The following CEP250 variants were observed in gnomAD, a reference collection of about 807,000 sequenced individuals.
CEP250 encodes centrosomal protein 250, also known as centrosome-associated protein CEP250.
In CEP250, 242 loss-of-function variants were observed where a neutral mutation model predicts 315.7. The ratio of observed to expected loss-of-function variants is 0.77; its 90% CI spans 0.69 to 0.85. CEP250 has a LOEUF of 0.85. CEP250 is among the 40% of genes least tolerant of loss of function. CEP250 has a pLI of 0.00. For missense variants in CEP250, 2,515 were observed against 2,886.4 expected, an observed-to-expected ratio of 0.87 and a Z score of 2.95; for synonymous variants, 1,088 against 1,175.0, an observed-to-expected ratio of 0.93 and a Z score of 1.51.
At chr20:35,471,459 T>C (rs2063022725) in intron 10 of CEP250, among the ~76,000 whole-genome samples, 1 of 152,228 alleles carries the variant, frequency 6.6e-6, no homozygotes, top group African/African-American at 2.4e-5. Context: ...TAAATGTTGA[T>C]TCAAATTTTG....
intron 22 of CEP250, among the ~76,000 whole-genome samples, chr20:35,492,488 C>A (rs1334788123): frequency 1.3e-5 from 2 of 151,794 alleles, no homozygotes; most frequent in African/African-American, 4.8e-5. Context: ...AGTTATATCT[C>A]AAGCCATTTG....
rs1036530132 is a variant in CEP250, at chr20:35,504,251, C to G, written c.5882C>G (p.Ala1961Gly). 2 of 1,598,488 alleles carry G rather than the reference C, an allele frequency of 1.3e-6. No individual in the cohort carries two copies. The highest frequency in any genetic ancestry group is 2.7e-5 in the African/African-American group (2 of 74,626). ...SSRHQEEAAR[A>G]RAEALQEALG... ...CGGCATCAGGAGGAGGCTGCCCGGG[C>G]CCGGGCTGAGGCTCTGCAGGAGGCC... The change falls in exon 30 of 35, where the codon GCC (alanine) becomes GGC (glycine). Residue 1961 changes from alanine (A) to glycine (G), a missense_variant. By Grantham distance (60) the Ala-to-Gly change is moderately conservative. Coordinates refer to ENST00000397527, the MANE Select transcript of CEP250 (RefSeq NM_007186.6).
intron 7 of CEP250, among the ~76,000 whole-genome samples, chr20:35,466,648 C>T (rs1400518740): frequency 6.6e-6 from 1 of 152,042 alleles, no homozygotes; most frequent in Non-Finnish European, 1.5e-5. Context: ...GCTTTGTGCT[C>T]AGTGGTTTAT....
intron 20 of CEP250, among the ~76,000 whole-genome samples, chr20:35,483,351 T>A (rs1333941260): frequency 1.3e-5 from 2 of 151,056 alleles, no homozygotes; most frequent in African/African-American, 4.9e-5. Flanking sequence ...TTTTTTAAAT[T>A]TATTTTATTT....
At chr20:35,476,425 T>C in intron 15 of CEP250, 24 bp from the exon 16 acceptor site, 2 of 1,598,234 alleles carry the variant, frequency 1.3e-6, no homozygotes, top group Non-Finnish European at 1.7e-6. Context: ...AATATGAAAC[T>C]CTTTAATCCT....
intron 30 of CEP250, 116 bp from the exon 31 acceptor site, chr20:35,507,622 G>A (rs1459246148): frequency 6.2e-6 from 5 of 810,432 alleles, no homozygotes; most frequent in Non-Finnish European, 1.0e-5. Context: ...AGAGCCTCTA[G>A]GAAAAATAAG....
At chr20:35,459,036 G>C (rs923174021) in intron 2 of CEP250, among the ~76,000 whole-genome samples, 1 of 115,842 alleles carries the variant, frequency 8.6e-6, no homozygotes, top group Non-Finnish European at 1.6e-5. Flanking sequence ...GGACAGTGTT[G>C]GCCAGGCTGG....
intron 10 of CEP250, among the ~76,000 whole-genome samples, chr20:35,470,840 C>T (rs1021246940): frequency 2.6e-5 from 4 of 152,200 alleles, no homozygotes; most frequent in African/African-American, 9.7e-5. Flanking sequence ...GGAATAGATT[C>T]TGGCTCACAG....
chr20:35,470,591 A>C (rs1261422570), intron 10 of CEP250, among the ~76,000 whole-genome samples: 2 of 152,176 alleles, frequency 1.3e-5, no homozygotes, highest in Non-Finnish European at 2.9e-5. Context: ...CTCTACTAAA[A>C]AAATAAAAAA....
At chr20:35,506,148 T>A (rs2064180452) in intron 30 of CEP250, among the ~76,000 whole-genome samples, 1 of 152,130 alleles carries the variant, frequency 6.6e-6, no homozygotes, top group South Asian at 2.1e-4. Context: ...CTCAGGTTCC[T>A]GTTCATGAAG....
chr20:35,479,177 G>C, intron 17 of CEP250, 54 bp from the exon 18 acceptor site: 2 of 1,548,606 alleles, frequency 1.3e-6, no homozygotes, highest in Non-Finnish European at 1.8e-6. Flanking sequence ...TGGTGGTAGC[G>C]GCCCCAGGGG....
chr20:35,481,246 C>T (rs2063336263), intron 20 of CEP250: 1 of 151,802 alleles, frequency 6.6e-6, no homozygotes, highest in Non-Finnish European at 1.5e-5. Flanking sequence ...GGCGAAACCC[C>T]ATTCCCTACA....
At chr20:35,479,165 C>T (rs17332774) in intron 17 of CEP250, 66 bp from the exon 18 acceptor site, 51,776 of 1,509,916 alleles carry the variant, frequency 0.034, 1,030 homozygotes, top group Non-Finnish European at 0.04. Context: ...ATGACCCTAA[C>T]CTGGTGGTAG....
chr20:35,457,260 TG>T (rs1785075052), intron 1 of CEP250, among the ~76,000 whole-genome samples: 1 of 152,344 alleles, frequency 6.6e-6, no homozygotes, highest in Admixed American at 6.5e-5. Flanking sequence ...ACAATGCTTT[TG>T]CACTTGTGGA....
chr20:35,473,356 C>T lies in CEP250; in HGVS notation c.1210-18C>T, dbSNP rs1601158153. On this transcript the variant is annotated intron_variant, in intron 12 of 34. Transcript: ENST00000397527. Reference sequence around the variant, plus strand: ...TGCCCTTGTTCATCATCTGGTTTCTCTTGCTCTCTCTCCACAGGACCTAAG... The same window carrying T: ...TGCCCTTGTTCATCATCTGGTTTCTTTTGCTCTCTCTCCACAGGACCTAAG... 6.3e-7 allele frequency: 1 copy of T among 1,599,402 alleles called. No individual in the cohort carries two copies. The highest frequency in any genetic ancestry group is 2.2e-5 in the East Asian group (1 of 44,504).
intron 34 of CEP250, among the ~76,000 whole-genome samples, chr20:35,510,769 C>T (rs903181886): frequency 6.6e-6 from 1 of 152,134 alleles, no homozygotes; most frequent in Non-Finnish European, 1.5e-5. Flanking sequence ...CCAAGGTGGG[C>T]GGATCGCTTG....
In CEP250 at chr20:35,503,809, C is replaced by T; in HGVS notation, c.5440C>T (p.Gln1814Ter). 1 of 1,613,896 alleles carries T rather than the reference C, an allele frequency of 6.2e-7. No homozygotes were observed. The highest frequency in any genetic ancestry group is 8.5e-7 in the Non-Finnish European group (1 of 1,179,988). ...QLDEAQRALA[Q>*]RDQELEALQQ... Reference sequence around the variant, plus strand: ...GGATGAGGCCCAGAGAGCCCTAGCCCAGAGGGACCAGGAACTGGAGGCTCT... The same window carrying T: ...GGATGAGGCCCAGAGAGCCCTAGCCTAGAGGGACCAGGAACTGGAGGCTCT... The change falls in exon 30 of 35, where the codon CAG becomes TAG. Residue 1814 changes from glutamine to a stop codon, truncating the protein, a stop_gained. Transcript: ENST00000397527. LOFTEE classifies it high-confidence loss of function. This position sits in a 1 kb window ranked among gnomAD's most constrained non-coding sequence, Gnocchi z 4.2.
rs1437272904 is a variant in CEP250, at chr20:35,518,131, G to GT, written c.*6509dup. 4,948 of 83,524 alleles carry GT rather than the reference G, an allele frequency of 0.059. 289 individuals carry two copies. The highest frequency in any genetic ancestry group is 0.14 in the African/African-American group (4,644 of 32,166). The allele number at this position is 83,524 out of a possible 1,614,324, so 5.2% of individuals were successfully genotyped here. A position where few individuals can be genotyped will look rare whatever the true frequency, so the allele number is the denominator to read the frequency against. On this transcript the variant is annotated 3_prime_UTR_variant, in exon 35 of 35. Transcript: ENST00000397527. ...TCAAACTCCTCTTCAGAGGCAGCGG[G>GT]TTTTGTTTTTTTTTTAACTATGTTT... is the stretch of plus-strand genomic sequence containing the variant.
chr20:35,491,543 T>C (rs749646895), intron 22 of CEP250, among the ~76,000 whole-genome samples, 197 bp downstream of exon 22: 15 of 151,864 alleles, frequency 9.9e-5, no homozygotes, highest in Non-Finnish European at 2.1e-4. Flanking sequence ...CCAAGGTGGG[T>C]GGATCACCTA....
Sources: gnomAD v4.1 joint callset for allele counts (sites outside exome capture counted in the v4.1 genomes callset) on GRCh38, gnomAD v4.1.1 for gene constraint, Gnocchi (gnomAD v3.1) non-coding constraint, MANE v1.5 for transcripts, NCBI Gene and HGNC (gene_info 2026-07-23, HGNC 2026-07-21) for gene names.